BCAS4: variants seen among roughly 807,000 people sequenced by gnomAD.
The protein encoded by BCAS4 is breast carcinoma-amplified sequence 4.
BCAS4 carries 9 observed loss-of-function variants against 15.7 expected under a neutral mutation model. The ratio of observed to expected loss-of-function variants is 0.57; its 90% CI spans 0.34 to 1.00. The LOEUF (loss-of-function observed/expected upper bound fraction) is 1.00. BCAS4 is among the 50% of genes least tolerant of loss of function. The pLI is 0.02. For missense variants in BCAS4, 225 were observed against 239.1 expected (o/e 0.94, Z 0.39); for synonymous variants, 101 against 99.5 (o/e 1.02, Z -0.09).
At chr20:50,819,604 G>A (rs1045887988) in intron 2 of BCAS4, among the ~76,000 whole-genome samples, 42 of 152,064 alleles carry the variant, frequency 2.8e-4, no homozygotes, top group African/African-American at 1.0e-3. Flanking sequence ...AGCGGACCTC[G>A]GCCCAGCCTC....
At chr20:50,871,465 C>G (rs1055641289) in intron 4 of BCAS4, among the ~76,000 whole-genome samples, 1 of 152,218 alleles carries the variant, frequency 6.6e-6, no homozygotes, top group Non-Finnish European at 1.5e-5. Flanking sequence ...CTGATTCAGG[C>G]GGCTGGTTTC....
At chr20:50,809,416 C>T (rs1407400499) in intron 1 of BCAS4, among the ~76,000 whole-genome samples, 1 of 152,058 alleles carries the variant, frequency 6.6e-6, no homozygotes, top group African/African-American at 2.4e-5. Context: ...ACCATGTTGG[C>T]CAGGTTAGTC....
intron 2 of BCAS4, among the ~76,000 whole-genome samples, chr20:50,826,763 G>A (rs933402322): frequency 6.6e-6 from 1 of 152,058 alleles, no homozygotes; most frequent in Non-Finnish European, 1.5e-5. Flanking sequence ...GAGGCCAGGA[G>A]TCCAAGACCA....
chr20:50,859,878 G>A (rs1978979124), intron 4 of BCAS4, among the ~76,000 whole-genome samples: 1 of 152,296 alleles, frequency 6.6e-6, no homozygotes, highest in South Asian at 2.1e-4. Flanking sequence ...GGTGGCTCAC[G>A]CCTGTAATCC....
chr20:50,809,218 T>A (rs74622727), intron 1 of BCAS4, among the ~76,000 whole-genome samples: 2,581 of 149,266 alleles, frequency 0.017, 82 homozygotes, highest in African/African-American at 0.061. Flanking sequence ...TTTTTTTTTT[T>A]AATTTTTTGA....
At chr20:50,845,716 CT>C (rs1401551918) in intron 4 of BCAS4, among the ~76,000 whole-genome samples, 2 of 152,252 alleles carry the variant, frequency 1.3e-5, no homozygotes, top group African/African-American at 4.8e-5. Flanking sequence ...TGTGGCGCCC[CT>C]GGGCTGTCTG....
chr20:50,844,189 G>T (rs994773645), intron 4 of BCAS4, among the ~76,000 whole-genome samples: 2 of 151,918 alleles, frequency 1.3e-5, no homozygotes, highest in African/African-American at 4.8e-5. Context: ...GTAGCTCATG[G>T]CTATAATCCC....
chr20:50,848,981 G>A (rs1385736684), intron 4 of BCAS4, among the ~76,000 whole-genome samples: 1 of 152,280 alleles, frequency 6.6e-6, no homozygotes, highest in Non-Finnish European at 1.5e-5. Flanking sequence ...GATGGTTTCA[G>A]GCATGTGCGG....
intron 4 of BCAS4, among the ~76,000 whole-genome samples, chr20:50,846,445 G>A (rs534536242): frequency 2.6e-5 from 4 of 152,046 alleles, no homozygotes; most frequent in South Asian, 4.2e-4. Context: ...GGGAGACCAC[G>A]TCTCTAATTT....
intron 1 of BCAS4, among the ~76,000 whole-genome samples, chr20:50,799,521 C>G (rs1321301336): frequency 1.3e-5 from 2 of 152,180 alleles, no homozygotes; most frequent in Non-Finnish European, 2.9e-5. Flanking sequence ...GCGAACAGAC[C>G]TGGACAGCAG....
chr20:50,811,149 A>G (rs1397332489), intron 1 of BCAS4, among the ~76,000 whole-genome samples: 2 of 152,112 alleles, frequency 1.3e-5, no homozygotes, highest in African/African-American at 4.8e-5. Flanking sequence ...CAGATGGAGT[A>G]GGGCTGGGGA....
At chr20:50,825,130 C>A (rs2088264453) in intron 2 of BCAS4, among the ~76,000 whole-genome samples, 2 of 152,194 alleles carry the variant, frequency 1.3e-5, no homozygotes, top group South Asian at 4.1e-4. Flanking sequence ...ATAGTTCTTG[C>A]CTCACAGGGC....
chr20:50,861,419 C>G (rs1979061204), intron 4 of BCAS4, among the ~76,000 whole-genome samples: 1 of 152,254 alleles, frequency 6.6e-6, no homozygotes, highest in African/African-American at 2.4e-5. Flanking sequence ...GGTGGAGGGG[C>G]TGGACCAGAG....
In BCAS4 at chr20:50,805,934, G is replaced by A. The variant is rs941706675; in HGVS notation, c.90+10761G>A. Among the ~76,000 whole-genome samples, 6 of 149,566 alleles carry A rather than the reference G, an allele frequency of 4.0e-5. No homozygotes were observed. The East Asian group carries it at 7.8e-4, about 19-fold the overall frequency. ...AGTGATTGCAGTGAGTTGAGATTGC[G>A]CCATTGCACTCCAGCCTGGGCGACA... On this transcript the variant is annotated intron_variant, in intron 1 of 4. Transcript: ENST00000371608.
Position 50,816,305 on chromosome 20 carries a change from C to T in BCAS4, c.91-1906C>T, listed in dbSNP as rs184573995. Among the ~76,000 whole-genome samples the T allele has an allele frequency of 4.0e-3, 602 of 152,306 alleles. 3 individuals are homozygous for T. Among genetic ancestry groups the T allele is most frequent in the African/African-American group, 0.014 (565 of 41,558 alleles). ...CCTCCCAAAGTGTTGGGATTACAGGCGTGAGCCACTACGCCTGGCCAAACC... is the reference window on the plus strand; with the variant it reads ...CCTCCCAAAGTGTTGGGATTACAGGTGTGAGCCACTACGCCTGGCCAAACC... On this transcript the variant is annotated intron_variant, in intron 1 of 4. Coordinates refer to ENST00000371608, the MANE Select transcript of BCAS4 (RefSeq NM_198799.4).
At chr20:50,836,612 C>G (rs776734171) in intron 3 of BCAS4, among the ~76,000 whole-genome samples, 2 of 152,186 alleles carry the variant, frequency 1.3e-5, no homozygotes, top group Non-Finnish European at 2.9e-5. Context: ...GTGGCTTCCA[C>G]AGAGTGTAAG....
intron 1 of BCAS4, among the ~76,000 whole-genome samples, chr20:50,803,728 C>G (rs1183009617): frequency 6.6e-6 from 1 of 150,748 alleles, no homozygotes; most frequent in Non-Finnish European, 1.5e-5. Context: ...ACCTGTAGTC[C>G]CAGCTTCTGA....
chr20:50,880,442 C>T (rs1257942455), downstream of BCAS4: 1 of 152,212 alleles, frequency 6.6e-6, no homozygotes, highest in Non-Finnish European at 1.5e-5. Flanking sequence ...TGGCCTCTAA[C>T]CCCTTGGTAA....
At chr20:50,854,246 A>G (rs1008054785) in intron 4 of BCAS4, among the ~76,000 whole-genome samples, 2 of 151,582 alleles carry the variant, frequency 1.3e-5, no homozygotes, top group East Asian at 1.9e-4. Flanking sequence ...GAGAGTCTCA[A>G]CCTCCCCCTC....
Sources: allele counts gnomAD v4.1 joint callset (sites outside exome capture counted in the v4.1 genomes callset), GRCh38; gene constraint gnomAD v4.1.1; transcripts MANE v1.5; gene names NCBI Gene and HGNC (gene_info 2026-07-23, HGNC 2026-07-21).